The following SMIM17 variants were observed in gnomAD, a reference collection of about 807,000 sequenced individuals.
The protein encoded by SMIM17 is small integral membrane protein 17.
Under a neutral mutation model 12.2 loss-of-function variants are expected in SMIM17, and 10 were observed. The observed-to-expected ratio is 0.82, with a 90% CI of 0.50 to 1.39. The LOEUF (loss-of-function observed/expected upper bound fraction) is 1.39. Ranked by LOEUF, SMIM17 falls within the 40% of genes most tolerant of loss-of-function variation. SMIM17 has a pLI of 0.00. For synonymous variants in SMIM17, 50 were observed against 44.1 expected, an observed-to-expected ratio of 1.13 and a Z score of -0.53; for missense variants, 136 against 118.2, an observed-to-expected ratio of 1.15 and a Z score of -0.70.
intron 3 of SMIM17, among the ~76,000 whole-genome samples, chr19:56,649,837 C>T (rs936175957): frequency 2.0e-5 from 3 of 152,048 alleles, no homozygotes; most frequent in Non-Finnish European, 4.4e-5. Context: ...GTGAGTTTTA[C>T]TCTGAGTGGG....
Position 56,655,529 on chromosome 19 carries a change from T to A in SMIM17, c.*316T>A, listed in dbSNP as rs1176739779. The A allele has an allele frequency of 8.8e-6, 3 of 341,458 alleles. No homozygotes were observed. Among genetic ancestry groups the A allele is most frequent in the Non-Finnish European group, 1.0e-5 (2 of 190,664 alleles). 21.2% of individuals were successfully genotyped at this position (341,458 alleles called of 1,614,324 possible). Reference sequence around the variant, plus strand: ...TTGAGAAGATGAAAAAATGTGCAACTGAAGATCAATGAAATCTGGTACATT... The same window carrying A: ...TTGAGAAGATGAAAAAATGTGCAACAGAAGATCAATGAAATCTGGTACATT... On this transcript the variant is annotated 3_prime_UTR_variant, in exon 4 of 4. Transcript: ENST00000598409.
rs756723636 is a variant in SMIM17, at chr19:56,645,789, G to T, written c.122G>T (p.Trp41Leu). Reference sequence around the variant, plus strand: ...CCTCATCCCGCCTGCACCAAAGACTGGGAGGCTGTGGAGGTTGGGGCCTCC... The same window carrying T: ...CCTCATCCCGCCTGCACCAAAGACTTGGAGGCTGTGGAGGTTGGGGCCTCC... ...KPPHPACTKD[W>L]EAVEVGASSH... The change falls in exon 2 of 4, where the codon TGG (tryptophan) becomes TTG (leucine). Residue 41 changes from tryptophan (W) to leucine (L), a missense_variant. By Grantham distance (61) the Trp-to-Leu change is moderately conservative. Coordinates refer to ENST00000598409, the MANE Select transcript of SMIM17 (RefSeq NM_001193628.2). 9.1e-6 allele frequency: 14 copies of T among 1,535,938 alleles called. No homozygotes were observed. The highest frequency in any genetic ancestry group is 1.2e-5 in the Non-Finnish European group (14 of 1,146,844).
rs147429567 is a variant in SMIM17, at chr19:56,652,795, G to A, written c.247-2308G>A. On this transcript the variant is annotated intron_variant, in intron 3 of 3. Coordinates refer to ENST00000598409, the MANE Select transcript of SMIM17 (RefSeq NM_001193628.2). The stretch of plus-strand genomic sequence containing the variant: ...ATTAACCTCCTGGGTAATCCTCTAG[G>A]AAGGAGGATCTCATTAGCAAAGGGC... Among the ~76,000 whole-genome samples the A allele has an allele frequency of 2.7e-4, 41 of 152,260 alleles. 1 individual carries two copies. Among genetic ancestry groups the A allele is most frequent in the African/African-American group, 9.9e-4 (41 of 41,552 alleles).
At chr19:56,653,650 G>A (rs1192139858) in intron 3 of SMIM17, among the ~76,000 whole-genome samples, 2 of 152,184 alleles carry the variant, frequency 1.3e-5, no homozygotes, top group African/African-American at 2.4e-5. Context: ...GGGATCCCAA[G>A]ATATTCAAAA....
chr19:56,643,920 G>A (rs1178178510), intron 1 of SMIM17, among the ~76,000 whole-genome samples: 1 of 152,092 alleles, frequency 6.6e-6, no homozygotes, highest in Non-Finnish European at 1.5e-5. Flanking sequence ...TGTGGTTGCT[G>A]GTTGTCGTTG....
At position 56,645,764 on chromosome 19, in the gene SMIM17, C is replaced by T; in HGVS notation, c.97C>T (p.Pro33Ser). The T allele has an allele frequency of 6.5e-7, 1 of 1,535,954 alleles. No individual in the cohort carries two copies. Among genetic ancestry groups the T allele is most frequent in the African/African-American group, 1.4e-5 (1 of 73,162 alleles). ...PRESRAWEKP[P>S]HPACTKDWEA... ...GGAGAGCCGGGCCTGGGAGAAGCCT[C>T]CTCATCCCGCCTGCACCAAAGACTG... Residue 33 changes from proline to serine, a missense_variant, in exon 2 of 4, where the codon CCT becomes TCT. Transcript: ENST00000598409.
chr19:56,649,056 G>A (rs760498599), intron 3 of SMIM17, among the ~76,000 whole-genome samples: 19 of 152,298 alleles, frequency 1.2e-4, no homozygotes, highest in Non-Finnish European at 2.1e-4. Flanking sequence ...ATAAGTGCTG[G>A]GCACAGTGGA....
In SMIM17 at chr19:56,655,533, G is replaced by A. The variant is rs2045143790; in HGVS notation, c.*320G>A. 2.9e-6 allele frequency: 1 copy of A among 339,966 alleles called. No homozygotes were observed. The highest frequency in any genetic ancestry group is 4.6e-5 in the Admixed American group (1 of 21,896). 21.1% of individuals were successfully genotyped at this position (339,966 alleles called of 1,614,324 possible). A position where few individuals can be genotyped will look rare whatever the true frequency, so the allele number is the denominator to read the frequency against. ...GAAGATGAAAAAATGTGCAACTGAA[G>A]ATCAATGAAATCTGGTACATTTCCT... On this transcript the variant is annotated 3_prime_UTR_variant, in exon 4 of 4. Transcript: ENST00000598409.
chr19:56,653,251 T>C (rs1464729962), intron 3 of SMIM17, among the ~76,000 whole-genome samples: 1 of 152,246 alleles, frequency 6.6e-6, no homozygotes, highest in East Asian at 1.9e-4. Context: ...TTGCTTGTTG[T>C]TGAATTTTAT....
rs1161487319 is a variant in SMIM17 at position 56,657,230 on chromosome 19, A to T, written c.*2017A>T. Among the ~76,000 whole-genome samples, 2 of 152,224 alleles carry T rather than the reference A, an allele frequency of 1.3e-5. No individual in the cohort carries two copies. The highest frequency in any genetic ancestry group is 4.8e-5 in the African/African-American group (2 of 41,458). ...CTGGCAGATAGTAGGCACTCAATAA[A>T]TGTTAATTAAAACCTGATTCTGAAT... is the stretch of plus-strand genomic sequence containing the variant. On this transcript the variant is annotated 3_prime_UTR_variant, in exon 4 of 4. Transcript: ENST00000598409.
intron 1 of SMIM17, among the ~76,000 whole-genome samples, chr19:56,644,062 T>A (rs1347903105): frequency 6.6e-6 from 1 of 151,972 alleles, no homozygotes; most frequent in African/African-American, 2.4e-5. Context: ...TCCTCCTCCA[T>A]TCACTGCGGA....
chr19:56,649,809 C>T (rs563805570), intron 3 of SMIM17, among the ~76,000 whole-genome samples: 24 of 152,148 alleles, frequency 1.6e-4, no homozygotes, highest in Middle Eastern at 3.4e-3. Flanking sequence ...TGTAGTGTCT[C>T]ATGGGCCATG....
At position 56,648,044 on chromosome 19, in the gene SMIM17, A is replaced by G. The variant is rs370630346; in HGVS notation, c.246+410A>G. 9.9e-3 allele frequency among the ~76,000 whole-genome samples: 1,466 copies of G among 148,688 alleles called. 27 individuals are homozygous for G. Among genetic ancestry groups the G allele is most frequent in the African/African-American group, 0.035 (1,397 of 40,114 alleles). On this transcript the variant is annotated intron_variant, in intron 3 of 3. Coordinates refer to ENST00000598409, the MANE Select transcript of SMIM17 (RefSeq NM_001193628.2). ...AACTTTTATTCACCTACTTGCTTGT[A>G]TACCCATTCCATCCATCCATCCATC...
intron 3 of SMIM17, 99 bp downstream of exon 3, chr19:56,647,733 A>G: frequency 9.9e-7 from 1 of 1,006,940 alleles, no homozygotes; most frequent in Non-Finnish European, 1.5e-6. Flanking sequence ...TACCTGCCCC[A>G]TAAAAATCTC....
intron 3 of SMIM17, among the ~76,000 whole-genome samples, chr19:56,649,502 A>G (rs2045093170): frequency 6.6e-6 from 1 of 152,154 alleles, no homozygotes; most frequent in Non-Finnish European, 1.5e-5. Context: ...AAAATGAAGC[A>G]GGAAGGGGGT....
chr19:56,645,545 C>T (rs1600615476), intron 1 of SMIM17, 23 bp from the exon 2 acceptor site: 2 of 907,628 alleles, frequency 2.2e-6, no homozygotes, highest in East Asian at 3.0e-5. Flanking sequence ...TAATGATTCA[C>T]TGAATGATGA....
chr19:56,643,807 G>A (rs558177410), intron 1 of SMIM17, among the ~76,000 whole-genome samples: 12 of 152,202 alleles, frequency 7.9e-5, no homozygotes, highest in African/African-American at 2.9e-4. Flanking sequence ...GAGAAGTATG[G>A]CCACCTTTAT....
rs1195043995 is a variant in SMIM17, at chr19:56,656,646, C to T, written c.*1433C>T. On this transcript the variant is annotated 3_prime_UTR_variant, in exon 4 of 4. Coordinates refer to ENST00000598409, the MANE Select transcript of SMIM17 (RefSeq NM_001193628.2). ...CTTCTGGATATAGCGTTGGCCACAT[C>T]TTAACATTTGATTATTCATTTTTGT... Among the ~76,000 whole-genome samples, 1 of 152,170 alleles carries T rather than the reference C, an allele frequency of 6.6e-6. No individual in the cohort carries two copies. The highest frequency in any genetic ancestry group is 2.4e-5 in the African/African-American group (1 of 41,432).
intron 1 of SMIM17, among the ~76,000 whole-genome samples, chr19:56,644,117 T>A (rs2148036647): frequency 6.6e-6 from 1 of 152,142 alleles, no homozygotes. Context: ...GTCTTTCCCA[T>A]CTGTCACCCC....
Sources: gnomAD v4.1 joint callset for allele counts (sites outside exome capture counted in the v4.1 genomes callset) on GRCh38, gnomAD v4.1.1 for gene constraint, MANE v1.5 for transcripts, NCBI Gene and HGNC (gene_info 2026-07-23, HGNC 2026-07-21) for gene names.